Variants in SHTN1 observed in about 807,000 individuals in gnomAD.
SHTN1 encodes shootin 1.
In SHTN1, 42 loss-of-function variants were observed where a neutral mutation model predicts 83.1. That is an observed-to-expected ratio of 0.51 (90% CI 0.39 to 0.65). The LOEUF (loss-of-function observed/expected upper bound fraction) is 0.65. Among genes scored for constraint, SHTN1 ranks in the 30% least tolerant of loss-of-function variants. The pLI is 0.00. For synonymous variants in SHTN1, 224 were observed against 247.7 expected, an observed-to-expected ratio of 0.90 and a Z score of 0.90; for missense variants, 622 against 737.8, an observed-to-expected ratio of 0.84 and a Z score of 1.82.
intron 3 of SHTN1, among the ~76,000 whole-genome samples, chr10:116,960,528 T>A (rs1412370405): frequency 6.6e-6 from 1 of 152,238 alleles, no homozygotes; most frequent in Admixed American, 6.5e-5. Context: ...CAACTATATA[T>A]GTATCCATAG....
intron 14 of SHTN1, among the ~76,000 whole-genome samples, chr10:116,907,077 G>A (rs1847997070): frequency 1.3e-5 from 2 of 152,060 alleles, no homozygotes; most frequent in Non-Finnish European, 2.9e-5. Flanking sequence ...GTGTTGACTG[G>A]GTGGAGAAGA....
intron 1 of SHTN1, among the ~76,000 whole-genome samples, chr10:117,069,215 C>G (rs911129220): frequency 1.3e-5 from 2 of 152,086 alleles, no homozygotes; most frequent in African/African-American, 4.8e-5. Context: ...ATAGAGAAAT[C>G]AAGTAAAAGA....
intron 11 of SHTN1, among the ~76,000 whole-genome samples, chr10:116,927,517 C>T (rs560442948): frequency 6.6e-6 from 1 of 152,214 alleles, no homozygotes; most frequent in African/African-American, 2.4e-5. Flanking sequence ...CTTTATAAAA[C>T]CATCAGATCT....
chr10:117,077,104 A>C (rs1036491562), intron 1 of SHTN1, among the ~76,000 whole-genome samples: 3 of 152,220 alleles, frequency 2.0e-5, no homozygotes, highest in Admixed American at 6.5e-5. Flanking sequence ...AGAAATGTGC[A>C]ATCAAAAATA....
chr10:117,120,595 T>A (rs10787759), intron 1 of SHTN1, among the ~76,000 whole-genome samples: 1 of 151,972 alleles, frequency 6.6e-6, no homozygotes, highest in Non-Finnish European at 1.5e-5. Context: ...AAACATCTCA[T>A]GTATCCCATA....
At chr10:116,947,721 G>A (rs557622627) in intron 7 of SHTN1, among the ~76,000 whole-genome samples, 2 of 152,236 alleles carry the variant, frequency 1.3e-5, no homozygotes, top group East Asian at 3.9e-4. Context: ...AAGAAATCAG[G>A]TTGGTCCTAG....
chr10:117,118,073 A>T (rs562642302), intron 1 of SHTN1, among the ~76,000 whole-genome samples: 2 of 152,328 alleles, frequency 1.3e-5, no homozygotes, highest in East Asian at 3.9e-4. Flanking sequence ...TCTGCACAGC[A>T]AAGGAAACAA....
chr10:117,112,880 A>G (rs1283686133), intron 1 of SHTN1, among the ~76,000 whole-genome samples: 1 of 152,262 alleles, frequency 6.6e-6, no homozygotes, highest in Non-Finnish European at 1.5e-5. Context: ...TTTATCAACC[A>G]GTTTTGATCG....
intron 1 of SHTN1, among the ~76,000 whole-genome samples, chr10:117,099,354 A>C (rs1853556140): frequency 6.6e-6 from 1 of 152,142 alleles, no homozygotes. Context: ...ATAACCAAAA[A>C]AAAACCAGTA....
chr10:116,901,682 A>G lies in SHTN1; in HGVS notation c.1673+83T>C, dbSNP rs1847743410. ...CCGGCGAGCCAATCAAAATCTCTCT[A>G]AAGGAAACAAATCAAAGAAACACAC... On this transcript the variant is annotated intron_variant, in intron 16 of 16. Coordinates refer to ENST00000355371, the MANE Select transcript of SHTN1 (RefSeq NM_001127211.3). 3.6e-6 allele frequency: 5 copies of G among 1,396,984 alleles called. No individual in the cohort carries two copies. In the East Asian group the frequency reaches 1.4e-4, roughly 40 times the overall value. The allele number at this position is 1,396,984 out of a possible 1,614,324, so 86.5% of individuals were successfully genotyped here.
intron 1 of SHTN1, among the ~76,000 whole-genome samples, chr10:117,103,699 G>T (rs1853633348): frequency 6.6e-6 from 1 of 151,372 alleles, no homozygotes. Context: ...ACCACGCCCG[G>T]CCAATTTTTT....
intron 1 of SHTN1, among the ~76,000 whole-genome samples, chr10:117,115,836 C>CT (rs1853839038): frequency 6.6e-6 from 1 of 152,096 alleles, no homozygotes; most frequent in African/African-American, 2.4e-5. Context: ...TCATTTAATC[C>CT]TCTCAATAGC....
intron 1 of SHTN1, among the ~76,000 whole-genome samples, chr10:117,094,642 C>T (rs936144459): frequency 2.6e-5 from 4 of 152,112 alleles, no homozygotes. Flanking sequence ...AGCGAAGTTT[C>T]ATAATCATTT....
At chr10:117,059,067 T>C (rs1290892362) in intron 1 of SHTN1, among the ~76,000 whole-genome samples, 1 of 152,170 alleles carries the variant, frequency 6.6e-6, no homozygotes, top group Non-Finnish European at 1.5e-5. Flanking sequence ...TGGTGATAGC[T>C]GTACAACAAT....
intron 2 of SHTN1, among the ~76,000 whole-genome samples, chr10:117,036,893 A>C (rs552841448): frequency 9.2e-5 from 14 of 152,354 alleles, no homozygotes; most frequent in African/African-American, 3.1e-4. Flanking sequence ...CATATACCCC[A>C]TAAATATATA....
chr10:117,012,792 T>C (rs1446845781), intron 2 of SHTN1, among the ~76,000 whole-genome samples: 2 of 152,310 alleles, frequency 1.3e-5, no homozygotes, highest in East Asian at 3.9e-4. Context: ...ATACCTGCCA[T>C]AGATGAGGGA....
chr10:117,117,999 G>T (rs1853872911), intron 1 of SHTN1, among the ~76,000 whole-genome samples: 1 of 152,078 alleles, frequency 6.6e-6, no homozygotes. Flanking sequence ...TTTTGTGTAA[G>T]ACCTCAAAAG....
intron 16 of SHTN1, among the ~76,000 whole-genome samples, chr10:116,886,911 C>A (rs1847182240): frequency 6.6e-6 from 1 of 151,910 alleles, no homozygotes; most frequent in African/African-American, 2.4e-5. Context: ...GCTGCCCAGA[C>A]CCCCACCCGC....
At chr10:117,032,928 T>C (rs1326312531) in intron 2 of SHTN1, among the ~76,000 whole-genome samples, 1 of 152,040 alleles carries the variant, frequency 6.6e-6, no homozygotes, top group Non-Finnish European at 1.5e-5. Context: ...ATCAATATGC[T>C]CCTGAATGAC....
Sources: gnomAD v4.1 joint callset for allele counts (sites outside exome capture counted in the v4.1 genomes callset) on GRCh38, gnomAD v4.1.1 for gene constraint, MANE v1.5 for transcripts, NCBI Gene and HGNC (gene_info 2026-07-23, HGNC 2026-07-21) for gene names.